The following SLC2A10 variants were observed in gnomAD, a reference collection of about 807,000 sequenced individuals.
The protein encoded by SLC2A10 is solute carrier family 2, facilitated glucose transporter member 10.
A neutral mutation model predicts 32.1 loss-of-function variants in SLC2A10; 25 were observed. The ratio of observed to expected loss-of-function variants is 0.78; its 90% CI spans 0.57 to 1.09. The LOEUF is 1.09. Ranked by LOEUF, SLC2A10 falls within the 50% of genes least tolerant of loss-of-function variation. SLC2A10 has a pLI of 0.00. For missense variants in SLC2A10, 673 were observed against 686.5 expected (o/e 0.98, Z 0.22); for synonymous variants, 332 against 309.6 (o/e 1.07, Z -0.76).
intron 4 of SLC2A10, 137 bp downstream of exon 4, chr20:46,729,625 GTTTTTTTTTTTT>G (rs68037732): frequency 7.2e-5 from 23 of 318,252 alleles, no homozygotes; most frequent in Non-Finnish European, 8.6e-5. Flanking sequence ...GGCACTATGA[GTTTTTTTTTTTT>G]TTTTTTTTTT....
upstream of SLC2A10, chr20:46,709,596 C>A: frequency 9.2e-7 from 1 of 1,082,194 alleles, no homozygotes; most frequent in Non-Finnish European, 1.2e-6. Context: ...GGCGGCGCTG[C>A]GCGCGGGAGG....
chr20:46,714,728 G>A (rs2123005899), intron 1 of SLC2A10: 1 of 152,604 alleles, frequency 6.6e-6, no homozygotes, highest in Non-Finnish European at 1.5e-5. Context: ...GCCCATGAAG[G>A]GCCTTGCCTG....
At chr20:46,710,114 C>T in intron 1 of SLC2A10, 3 of 455,986 alleles carry the variant, frequency 6.6e-6, no homozygotes, top group Non-Finnish European at 1.1e-5. Context: ...ATTCGCTGAG[C>T]GCGGTTGTGC....
intron 1 of SLC2A10, among the ~76,000 whole-genome samples, chr20:46,724,471 T>C (rs2123038551): frequency 6.6e-6 from 1 of 152,196 alleles, no homozygotes; most frequent in Middle Eastern, 3.4e-3. Flanking sequence ...TATAGATAAA[T>C]GGACATGCAG....
chr20:46,711,699 C>T (rs1036976778), intron 1 of SLC2A10, among the ~76,000 whole-genome samples: 7 of 152,182 alleles, frequency 4.6e-5, no homozygotes, highest in African/African-American at 1.2e-4. Context: ...AGAATTCTTA[C>T]ACAGCAGGGA....
chr20:46,715,841 T>A (rs1979207533), intron 1 of SLC2A10, among the ~76,000 whole-genome samples: 1 of 152,152 alleles, frequency 6.6e-6, no homozygotes, highest in Non-Finnish European at 1.5e-5. Flanking sequence ...TTTTTGTTTT[T>A]TTATTTTAGA....
intron 1 of SLC2A10, 36 bp from the exon 2 acceptor site, chr20:46,725,005 C>G (rs1979791860): frequency 6.2e-7 from 1 of 1,613,852 alleles, no homozygotes. Context: ...GACAAGGAAC[C>G]ATTCTAACTC....
At chr20:46,716,776 A>G (rs1979268022) in intron 1 of SLC2A10, among the ~76,000 whole-genome samples, 1 of 152,126 alleles carries the variant, frequency 6.6e-6, no homozygotes, top group East Asian at 1.9e-4. Context: ...TAATCTCAGC[A>G]TTTTGGGAGA....
intron 1 of SLC2A10, among the ~76,000 whole-genome samples, chr20:46,722,774 C>T (rs1038273093): frequency 2.6e-5 from 4 of 152,196 alleles, no homozygotes; most frequent in African/African-American, 9.6e-5. Context: ...ATTATACAGT[C>T]GGTGTGTTAA....
Position 46,725,449 on chromosome 20 carries a change from T to C in SLC2A10, c.413T>C (p.Leu138Pro). The change falls in exon 2 of 5, where the codon CTC becomes CCC. Residue 138 changes from leucine to proline, a missense_variant. Leu to Pro is a moderately conservative substitution (Grantham distance 98). Coordinates refer to ENST00000359271, the MANE Select transcript of SLC2A10 (RefSeq NM_030777.4). Reference protein sequence around the residue: ...GPRQRGVLVSLYEAGITVGIL... With the variant: ...GPRQRGVLVSPYEAGITVGIL... The stretch of plus-strand genomic sequence containing the variant: ...CGGCAGCGGGGAGTGCTGGTGTCCC[T>C]CTATGAGGCAGGCATCACCGTGGGC... 1 of 1,614,144 alleles carries C rather than the reference T, an allele frequency of 6.2e-7. No individual in the cohort carries two copies. Among genetic ancestry groups the C allele is most frequent in the East Asian group, 2.2e-5 (1 of 44,874 alleles).
intron 1 of SLC2A10, among the ~76,000 whole-genome samples, chr20:46,714,184 G>A (rs921765426): frequency 2.0e-5 from 3 of 147,596 alleles, no homozygotes; most frequent in African/African-American, 8.1e-5. Context: ...GGGGAAGATG[G>A]CCCCCAGTGG....
rs1347955460 is a variant in SLC2A10, at chr20:46,733,725, C to T, written c.1548-31C>T. 5 of 1,602,632 alleles carry T rather than the reference C, an allele frequency of 3.1e-6. No homozygotes were observed. The Admixed American group carries it at 6.7e-5, about 21-fold the overall frequency. ...CAGGGACGGCCCCAGGCCCTGCCAC[C>T]CCCTGATCCCACGCATTCTTTGTCT... On this transcript the variant is annotated intron_variant, in intron 4 of 4. Transcript: ENST00000359271.
chr20:46,725,929 C>T lies in SLC2A10; in HGVS notation c.893C>T (p.Ala298Val). ...CTGGTGGACCGTGCAGGCCGCAGGG[C>T]TCTGTTGCTAGCTGGCTGTGCCCTC... ...MGLVDRAGRRALLLAGCALMA... is the reference protein window; with the variant it reads ...MGLVDRAGRRVLLLAGCALMA... The change falls in exon 2 of 5, where the codon GCT becomes GTT. Residue 298 changes from alanine to valine, a missense_variant. Ala to Val is a moderately conservative substitution (Grantham distance 64). Transcript: ENST00000359271. 1 of 1,614,020 alleles carries T rather than the reference C, an allele frequency of 6.2e-7. No homozygotes were observed. The highest frequency in any genetic ancestry group is 8.5e-7 in the Non-Finnish European group (1 of 1,180,034).
chr20:46,708,761 C>A (rs1160331575), upstream of SLC2A10, among the ~76,000 whole-genome samples: 1 of 152,176 alleles, frequency 6.6e-6, no homozygotes, highest in Non-Finnish European at 1.5e-5. Context: ...CCCACCAAAG[C>A]CCCTCCCTTA....
chr20:46,709,852 C>G, intron 1 of SLC2A10, 112 bp downstream of exon 1: 1 of 1,333,748 alleles, frequency 7.5e-7, no homozygotes, highest in Non-Finnish European at 1.0e-6. Flanking sequence ...CAGGGCCGCC[C>G]CGGCCGGATA....
At position 46,726,976 on chromosome 20, in the gene SLC2A10, C is replaced by A. The variant is rs774586341; in HGVS notation, c.1401C>A (p.Leu467=). Residue 467 remains leucine (L), a synonymous_variant, in exon 3 of 5, where the codon CTC becomes CTA. Coordinates refer to ENST00000359271, the MANE Select transcript of SLC2A10 (RefSeq NM_030777.4). ...AANLFISLSF[L]DLIGTIGLSW... is the part of the protein sequence containing the mutation. ...ACCTCTTCATCAGCCTCTCCTTCCT[C>A]GATCTCATTGGTGAGTCCTTCCCAG... 2.5e-6 allele frequency: 4 copies of A among 1,614,244 alleles called. No individual in the cohort carries two copies. The Admixed American group carries it at 6.7e-5, about 27-fold the overall frequency.
intron 1 of SLC2A10, among the ~76,000 whole-genome samples, chr20:46,720,462 G>C (rs1979487729): frequency 6.6e-6 from 1 of 152,164 alleles, no homozygotes; most frequent in African/African-American, 2.4e-5. Context: ...GAATTTTTCA[G>C]AATTATTATT....
chr20:46,730,839 C>T (rs1318494660), intron 4 of SLC2A10, among the ~76,000 whole-genome samples: 2 of 152,182 alleles, frequency 1.3e-5, no homozygotes, highest in Non-Finnish European at 2.9e-5. Context: ...CCCCAGTTAC[C>T]TCTTAAAAGC....
intron 1 of SLC2A10, 106 bp downstream of exon 1, chr20:46,709,846 G>C (rs2122987043): frequency 7.3e-7 from 1 of 1,375,496 alleles, no homozygotes; most frequent in Non-Finnish European, 1.0e-6. Context: ...CTCCCCCAGG[G>C]CCGCCCCGGC....
Sources: gnomAD v4.1 joint callset for allele counts (sites outside exome capture counted in the v4.1 genomes callset) on GRCh38, gnomAD v4.1.1 for gene constraint, MANE v1.5 for transcripts, NCBI Gene and HGNC (gene_info 2026-07-23, HGNC 2026-07-21) for gene names.